Variants in UTP6 observed in about 807,000 individuals in gnomAD.
The protein encoded by UTP6 is UTP6 small subunit processome component, also known as U3 small nucleolar RNA-associated protein 6 homolog.
A neutral mutation model predicts 96.5 loss-of-function variants in UTP6; 60 were observed. The observed-to-expected ratio is 0.62, with a 90% CI of 0.51 to 0.77. The LOEUF (loss-of-function observed/expected upper bound fraction) is 0.77, where lower values mean the gene tolerates loss of function less well. Among genes scored for constraint, UTP6 ranks in the 30% least tolerant of loss-of-function variants. The probability of loss-of-function intolerance (pLI) is 0.00; values close to 1 mark genes in which losing one functional copy is unlikely to be tolerated. For missense variants in UTP6, 637 were observed against 706.5 expected (o/e 0.90, Z 1.12); for synonymous variants, 215 against 240.1 (o/e 0.90, Z 0.96).
Position 31,901,666 on chromosome 17 carries a change from CAGCGAACACG to C in UTP6, c.-49_-40del. 1 of 1,598,596 alleles carries C rather than the reference CAGCGAACACG, an allele frequency of 6.3e-7. No homozygotes were observed. Among genetic ancestry groups the C allele is most frequent in the Middle Eastern group, 1.7e-4 (1 of 6,030 alleles). On this transcript the variant is annotated 5_prime_UTR_variant, in exon 1 of 19. Transcript: ENST00000261708. Reference sequence around the variant, plus strand: ...TACAACCCCGCGGGTAGCTTCTCAACAGCGAACACGAGCAGGAAGCTCCCGGTTTCAGGTT... The same window carrying C: ...TACAACCCCGCGGGTAGCTTCTCAACAGCAGGAAGCTCCCGGTTTCAGGTT...
At position 31,863,129 on chromosome 17, in the gene UTP6, C is replaced by G; in HGVS notation, c.*230G>C. 1 of 496,148 alleles carries G rather than the reference C, an allele frequency of 2.0e-6. No homozygotes were observed. Among genetic ancestry groups the G allele is most frequent in the Non-Finnish European group, 3.6e-6 (1 of 279,672 alleles). The allele number at this position is 496,148 out of a possible 1,614,324, so 30.7% of individuals were successfully genotyped here. A position where few individuals can be genotyped will look rare whatever the true frequency, so the allele number is the denominator to read the frequency against. On this transcript the variant is annotated 3_prime_UTR_variant, in exon 19 of 19. Transcript: ENST00000261708. ...TCTGAGGTGAGAAGGTCACTTGAGTCCAGGAGTTCAAGACCAGCCAGGGCA... is the reference window on the plus strand; with the variant it reads ...TCTGAGGTGAGAAGGTCACTTGAGTGCAGGAGTTCAAGACCAGCCAGGGCA...
chr17:31,888,622 G>A (rs1911288056), intron 7 of UTP6, among the ~76,000 whole-genome samples: 1 of 152,104 alleles, frequency 6.6e-6, no homozygotes, highest in South Asian at 2.1e-4. Context: ...TTGAACCCAG[G>A]AGGTAAAGGT....
intron 16 of UTP6, among the ~76,000 whole-genome samples, chr17:31,872,488 T>C (rs576965344): frequency 3.6e-4 from 54 of 150,366 alleles, no homozygotes; most frequent in Non-Finnish European, 6.2e-4. Flanking sequence ...AACAATGTTG[T>C]GAGACTCAGT....
At chr17:31,890,138 A>G (rs1487266669) in intron 6 of UTP6, among the ~76,000 whole-genome samples, 4 of 151,976 alleles carry the variant, frequency 2.6e-5, no homozygotes, top group Non-Finnish European at 5.9e-5. Context: ...CTGGGACCAC[A>G]TGCATACACC....
chr17:31,877,791 A>G (rs747239246), intron 13 of UTP6, among the ~76,000 whole-genome samples: 5 of 152,072 alleles, frequency 3.3e-5, no homozygotes, highest in Non-Finnish European at 5.9e-5. Context: ...AGATGGTGAA[A>G]TCCCGTCTCT....
chr17:31,878,909 G>A (rs763715537), intron 11 of UTP6, 128 bp from the exon 12 acceptor site: 39 of 810,378 alleles, frequency 4.8e-5, no homozygotes, highest in Non-Finnish European at 7.2e-5. Flanking sequence ...ACTCTCCTCT[G>A]AAGAAGAGTT....
intron 2 of UTP6, among the ~76,000 whole-genome samples, chr17:31,897,163 G>A (rs573166866): frequency 3.3e-5 from 5 of 151,902 alleles, no homozygotes; most frequent in Non-Finnish European, 5.9e-5. Flanking sequence ...GCACAAGCCT[G>A]TAGTCCTACC....
chr17:31,895,032 A>G (rs1419855196), intron 2 of UTP6, 21 bp from the exon 3 acceptor site: 1 of 1,504,270 alleles, frequency 6.6e-7, no homozygotes, highest in Non-Finnish European at 9.0e-7. Flanking sequence ...AAAACATACA[A>G]AAAAATGAGA....
At chr17:31,865,096 G>A in intron 18 of UTP6, among the ~76,000 whole-genome samples, 1 of 152,182 alleles carries the variant, frequency 6.6e-6, no homozygotes, top group Non-Finnish European at 1.5e-5. Context: ...TCAGCTCACT[G>A]CAACCTCCGT....
At position 31,875,238 on chromosome 17, in the gene UTP6, G is replaced by A. The variant is rs754126186; in HGVS notation, c.1301C>T (p.Pro434Leu). The change falls in exon 14 of 19, where the codon CCC becomes CTC. Residue 434 changes from proline to leucine, a missense_variant. Transcript: ENST00000261708. ...LFEEAFVHLK[P>L]QVCLPLWISW... ...CAAAAGATCCAGCTCACTGACCTGGGGTTTCAGGTGCACAAAGGCTTCTTC... is the reference window on the plus strand; with the variant it reads ...CAAAAGATCCAGCTCACTGACCTGGAGTTTCAGGTGCACAAAGGCTTCTTC... 6.2e-7 allele frequency: 1 copy of A among 1,613,884 alleles called. No homozygotes were observed. The highest frequency in any genetic ancestry group is 1.1e-5 in the South Asian group (1 of 91,058).
rs1180154149 is a variant in UTP6 at position 31,862,123 on chromosome 17, C to T, written c.*1236G>A. 6.6e-6 allele frequency: 1 copy of T among 152,134 alleles called. No individual in the cohort carries two copies. Among genetic ancestry groups the T allele is most frequent in the East Asian group, 1.9e-4 (1 of 5,194 alleles). 9.4% of individuals were successfully genotyped at this position (152,134 alleles called of 1,614,324 possible). ...AGCCTGGCCAATATGATGAAACCCC[C>T]GCACTACTAAAAATACAAAAATTGG... On this transcript the variant is annotated 3_prime_UTR_variant, in exon 19 of 19. Transcript: ENST00000261708.
intron 11 of UTP6, 143 bp from the exon 12 acceptor site, chr17:31,878,924 T>C (rs867192398): frequency 2.8e-6 from 2 of 726,218 alleles, no homozygotes; most frequent in East Asian, 5.4e-5. Context: ...AGAGTTTAAA[T>C]CAGCCTGATT....
chr17:31,863,436 C>T lies in UTP6; in HGVS notation c.1717G>A (p.Ala573Thr). The T allele has an allele frequency of 6.2e-7, 1 of 1,614,096 alleles. No individual in the cohort carries two copies. Residue 573 changes from alanine (A) to threonine (T), a missense_variant, in exon 19 of 19, where the codon GCG becomes ACG. Physicochemically the swap from Ala to Thr is moderately conservative, Grantham distance 58. Transcript: ENST00000261708. The part of the protein sequence containing the change: ...PENCGQIYWR[A>T]MKMLQGESAE... ...GACTCTCCCTGCAACATTTTCATCG[C>T]TCGCCAGTAGATCTGTCCACAGTTC...
chr17:31,896,501 C>G (rs968445791), intron 2 of UTP6, among the ~76,000 whole-genome samples: 3 of 152,024 alleles, frequency 2.0e-5, no homozygotes, highest in African/African-American at 7.2e-5. Context: ...GCCCATTTTT[C>G]TTTTTAGTTT....
chr17:31,887,269 C>G lies in UTP6; in HGVS notation c.588G>C (p.Glu196Asp), dbSNP rs1911205270. The G allele has an allele frequency of 6.2e-7, 1 of 1,614,130 alleles. No individual in the cohort carries two copies. The highest frequency in any genetic ancestry group is 1.1e-5 in the South Asian group (1 of 91,056). ...ELMHAEKLRK[E>D]KEEFEKASMD... Reference sequence around the variant, plus strand: ...TACTGGCTTTTTCAAATTCTTCCTTCTCCTTCCTCAGTTTTTCAGCATGCA... The same window carrying G: ...TACTGGCTTTTTCAAATTCTTCCTTGTCCTTCCTCAGTTTTTCAGCATGCA... Residue 196 changes from glutamate to aspartate, a missense_variant, in exon 8 of 19, where the codon GAG becomes GAC. By Grantham distance (45) the Glu-to-Asp change is conservative (BLOSUM62 2). Coordinates refer to ENST00000261708, the MANE Select transcript of UTP6 (RefSeq NM_018428.3).
intron 16 of UTP6, among the ~76,000 whole-genome samples, chr17:31,870,982 T>C (rs1323927790): frequency 7.3e-6 from 1 of 136,440 alleles, no homozygotes; most frequent in Non-Finnish European, 1.5e-5. Context: ...CACCCAACTT[T>C]TTAAGTTTTT....
At chr17:31,892,831 G>T in intron 4 of UTP6, 37 bp from the exon 5 acceptor site, 1 of 1,613,040 alleles carries the variant, frequency 6.2e-7, no homozygotes, top group South Asian at 1.1e-5. Context: ...GCCCAAATTT[G>T]ACCTTTACAT....
intron 17 of UTP6, 67 bp downstream of exon 17, chr17:31,867,977 AAC>A (rs1475851196): frequency 2.6e-6 from 4 of 1,527,074 alleles, no homozygotes; most frequent in East Asian, 2.3e-5. Flanking sequence ...AAAAACAAAA[AAC>A]AGTCTGATAG....
intron 13 of UTP6, among the ~76,000 whole-genome samples, chr17:31,877,496 C>G (rs1014622088): frequency 6.6e-6 from 1 of 152,138 alleles, no homozygotes; most frequent in African/African-American, 2.4e-5. Context: ...GATGAATCAT[C>G]TAGGCTGGGC....
Sources: allele counts gnomAD v4.1 joint callset (sites outside exome capture counted in the v4.1 genomes callset), GRCh38; gene constraint gnomAD v4.1.1; transcripts MANE v1.5; gene names NCBI Gene and HGNC (gene_info 2026-07-23, HGNC 2026-07-21).